DSCAM: variants seen among roughly 807,000 people sequenced by gnomAD.
The protein encoded by DSCAM is DS cell adhesion molecule, also known as cell adhesion molecule DSCAM.
A neutral mutation model predicts 217.7 loss-of-function variants in DSCAM; 47 were observed. The ratio of observed to expected loss-of-function variants is 0.22; its 90% CI spans 0.17 to 0.28. The LOEUF (loss-of-function observed/expected upper bound fraction) is 0.28. Ranked by LOEUF, DSCAM falls within the 10% of genes least tolerant of loss-of-function variation. The pLI is 1.00. For synonymous variants in DSCAM, 1,056 were observed against 1,015.3 expected, an observed-to-expected ratio of 1.04 and a Z score of -0.76; for missense variants, 2,080 against 2,618.3, an observed-to-expected ratio of 0.79 and a Z score of 4.49.
At chr21:40,595,945 G>A (rs771525144) in intron 3 of DSCAM, among the ~76,000 whole-genome samples, 2 of 152,200 alleles carry the variant, frequency 1.3e-5, no homozygotes, top group African/African-American at 2.4e-5. Flanking sequence ...GCGGCAAACT[G>A]TGGCCTCTGT....
intron 3 of DSCAM, among the ~76,000 whole-genome samples, chr21:40,641,497 A>T: frequency 6.6e-6 from 1 of 152,170 alleles, no homozygotes; most frequent in Non-Finnish European, 1.5e-5. Context: ...CGGTTATTTG[A>T]GTGAAAACAA....
intron 1 of DSCAM, among the ~76,000 whole-genome samples, chr21:40,841,825 C>T (rs1391706409): frequency 6.6e-6 from 1 of 152,248 alleles, no homozygotes; most frequent in Non-Finnish European, 1.5e-5. Context: ...CTACCCGCTG[C>T]AACACCTGTG....
At chr21:40,029,220 T>C (rs1413106300) in intron 32 of DSCAM, among the ~76,000 whole-genome samples, 1 of 152,112 alleles carries the variant, frequency 6.6e-6, no homozygotes, top group Non-Finnish European at 1.5e-5. Flanking sequence ...CTTCTTCTTA[T>C]GATGTTTATC....
At chr21:40,344,280 C>G (rs2074534128) in intron 6 of DSCAM, among the ~76,000 whole-genome samples, 1 of 152,126 alleles carries the variant, frequency 6.6e-6, no homozygotes, top group Non-Finnish European at 1.5e-5. Flanking sequence ...TAAATATTTA[C>G]TAATATATTT....
chr21:40,460,940 C>T (rs187555272), intron 3 of DSCAM, among the ~76,000 whole-genome samples: 22 of 152,282 alleles, frequency 1.4e-4, no homozygotes, highest in African/African-American at 5.1e-4. Flanking sequence ...ATTCAGAAGA[C>T]TCACTTCTAG....
At chr21:40,605,621 A>T (rs774112082) in intron 3 of DSCAM, among the ~76,000 whole-genome samples, 1 of 152,132 alleles carries the variant, frequency 6.6e-6, no homozygotes, top group Non-Finnish European at 1.5e-5. Context: ...TTACAAAAAA[A>T]GGGGTTGGGC....
intron 3 of DSCAM, among the ~76,000 whole-genome samples, chr21:40,382,629 AC>A (rs2123733567): frequency 6.6e-6 from 1 of 152,358 alleles, no homozygotes; most frequent in African/African-American, 2.4e-5. Flanking sequence ...TTACAAGAAC[AC>A]GCAAGGGTAG....
chr21:40,693,285 A>C (rs1202520307), intron 2 of DSCAM, among the ~76,000 whole-genome samples: 1 of 152,016 alleles, frequency 6.6e-6, no homozygotes, highest in East Asian at 1.9e-4. Flanking sequence ...AAATACAAAA[A>C]AATTGCTGGG....
At chr21:40,514,053 T>C (rs775085545) in intron 3 of DSCAM, among the ~76,000 whole-genome samples, 1 of 152,160 alleles carries the variant, frequency 6.6e-6, no homozygotes, top group African/African-American at 2.4e-5. Flanking sequence ...GCCATTTGTG[T>C]GATCAGGACA....
intron 14 of DSCAM, among the ~76,000 whole-genome samples, chr21:40,183,578 G>C (rs572968179): frequency 9.2e-5 from 14 of 152,292 alleles, no homozygotes; most frequent in South Asian, 8.3e-4. Context: ...TCAAATCCTG[G>C]GAGGACTGTC....
In DSCAM at chr21:40,161,681, G is replaced by A. The variant is rs76239495; in HGVS notation, c.3018+5537C>T. On this transcript the variant is annotated intron_variant, in intron 16 of 32. Coordinates refer to ENST00000400454, the MANE Select transcript of DSCAM (RefSeq NM_001389.5). ...GTTATCAAGGAAGGAGGTTAGACTC[G>A]TTAATATGAGAAGGGCTAAAAATTC... is the stretch of plus-strand genomic sequence containing the variant. Among the ~76,000 whole-genome samples, 13 of 152,208 alleles carry A rather than the reference G, an allele frequency of 8.5e-5. 1 individual carries two copies. The South Asian group carries it at 1.7e-3, about 19-fold the overall frequency.
chr21:40,562,243 T>TA (rs954330147), intron 3 of DSCAM, among the ~76,000 whole-genome samples: 4 of 152,202 alleles, frequency 2.6e-5, no homozygotes, highest in African/African-American at 9.6e-5. Flanking sequence ...GTTCTCATGA[T>TA]AGTGAGTGAA....
Position 40,276,240 on chromosome 21 carries a change from G to A in DSCAM, c.2213C>T (p.Ala738Val), listed in dbSNP as rs751382538. The A allele has an allele frequency of 8.1e-6, 13 of 1,609,158 alleles. No individual in the cohort carries two copies. The highest frequency in any genetic ancestry group is 1.7e-5 in the Admixed American group (1 of 58,882). Residue 738 changes from alanine to valine, a missense_variant, in exon 11 of 33, where the codon GCC (alanine) becomes GTC (valine). Transcript: ENST00000400454. ...GAGVPQFQPIALNGRIQVLSN... is the reference protein window; with the variant it reads ...GAGVPQFQPIVLNGRIQVLSN... Reference sequence around the variant, plus strand: ...GAGAACTTGGATTCGGCCATTTAGGGCAATTGGCTGGAACTGGGGAACCCC... The same window carrying A: ...GAGAACTTGGATTCGGCCATTTAGGACAATTGGCTGGAACTGGGGAACCCC...
At chr21:40,494,160 A>G (rs1281178994) in intron 3 of DSCAM, among the ~76,000 whole-genome samples, 1 of 151,876 alleles carries the variant, frequency 6.6e-6, no homozygotes, top group Non-Finnish European at 1.5e-5. Flanking sequence ...ACAACCAGAA[A>G]GCCAGTAACA....
chr21:40,268,447 A>G (rs1035934104), intron 11 of DSCAM, among the ~76,000 whole-genome samples: 1 of 152,314 alleles, frequency 6.6e-6, no homozygotes, highest in Non-Finnish European at 1.5e-5. Flanking sequence ...TTGAGGGTTC[A>G]GAACATCAGT....
intron 1 of DSCAM, among the ~76,000 whole-genome samples, chr21:40,791,337 G>T (rs2091640971): frequency 6.6e-6 from 1 of 151,512 alleles, no homozygotes; most frequent in Non-Finnish European, 1.5e-5. Flanking sequence ...GCTTAGTATT[G>T]CTATTTATAT....
intron 26 of DSCAM, among the ~76,000 whole-genome samples, chr21:40,077,269 A>G (rs776118721): frequency 6.6e-6 from 1 of 152,192 alleles, no homozygotes; most frequent in African/African-American, 2.4e-5. Context: ...GACCCAGGCC[A>G]GAAGTGCCAG....
intron 3 of DSCAM, among the ~76,000 whole-genome samples, chr21:40,575,093 TC>T (rs2076838421): frequency 6.7e-6 from 1 of 148,896 alleles, no homozygotes; most frequent in African/African-American, 2.6e-5. Flanking sequence ...CTGATGACAT[TC>T]CACCACAAAA....
chr21:40,539,316 C>T (rs953946399), intron 3 of DSCAM, among the ~76,000 whole-genome samples: 2 of 150,586 alleles, frequency 1.3e-5, no homozygotes, highest in Non-Finnish European at 2.9e-5. Context: ...CATGGTGCAA[C>T]GCCGTCGTCT....
Sources: gnomAD v4.1 joint callset for allele counts (sites outside exome capture counted in the v4.1 genomes callset) on GRCh38, gnomAD v4.1.1 for gene constraint, MANE v1.5 for transcripts, NCBI Gene and HGNC (gene_info 2026-07-23, HGNC 2026-07-21) for gene names.